The following PARD3B variants were observed in gnomAD, a reference collection of about 807,000 sequenced individuals.
The protein encoded by PARD3B is par-3 family cell polarity regulator beta.
A neutral mutation model predicts 130.2 loss-of-function variants in PARD3B; 103 were observed. The ratio of observed to expected loss-of-function variants is 0.79; its 90% CI spans 0.67 to 0.93. The LOEUF (loss-of-function observed/expected upper bound fraction) is 0.93. Among genes scored for constraint, PARD3B ranks in the 40% least tolerant of loss-of-function variants. The pLI is 0.00. For synonymous variants in PARD3B, 583 were observed against 553.2 expected (o/e 1.05, Z -0.76); for missense variants, 1,609 against 1,499.2 (o/e 1.07, Z -1.21).
At position 204,579,766 on chromosome 2, in the gene PARD3B, C is replaced by G. The variant is rs10184836; in HGVS notation, c.120+33647C>G. On this transcript the variant is annotated intron_variant, in intron 1 of 22. Coordinates refer to ENST00000406610, the MANE Select transcript of PARD3B (RefSeq NM_001302769.2). ...CCTCCCCTCTACCCAGGGTGGACCC[C>G]TGTGTGGGGGATGGGGAAGTAGTTT... Among the ~76,000 whole-genome samples, 1,318 of 152,274 alleles carry G rather than the reference C, an allele frequency of 8.7e-3. 18 individuals carry two copies. Among genetic ancestry groups the G allele is most frequent in the African/African-American group, 0.03 (1,236 of 41,544 alleles).
rs2036171703 is a variant in PARD3B, at chr2:205,187,604, G to A, written c.2024+1741G>A. On this transcript the variant is annotated intron_variant, in intron 14 of 22. Transcript: ENST00000406610. This position sits in a 1 kb window ranked among gnomAD's most constrained non-coding sequence, Gnocchi z 4.9. ...CTTCAAGGGAGAGAGGTGGTTCAGA[G>A]ATCACCTGGGATTTAGCAACTGTCT... Among the ~76,000 whole-genome samples the A allele has an allele frequency of 6.6e-6, 1 of 152,192 alleles. No individual in the cohort carries two copies. Among genetic ancestry groups the A allele is most frequent in the African/African-American group, 2.4e-5 (1 of 41,444 alleles).
chr2:204,645,459 T>A (rs2035239554), intron 1 of PARD3B, among the ~76,000 whole-genome samples: 1 of 152,154 alleles, frequency 6.6e-6, no homozygotes, highest in East Asian at 1.9e-4. Flanking sequence ...AAGAAAAAAA[T>A]TTTGTTTCAT....
intron 2 of PARD3B, among the ~76,000 whole-genome samples, chr2:204,869,873 T>C (rs2045567211): frequency 6.6e-6 from 1 of 152,204 alleles, no homozygotes; most frequent in Non-Finnish European, 1.5e-5. Context: ...GTTTTGTTTA[T>C]AATTAAATGT....
intron 2 of PARD3B, among the ~76,000 whole-genome samples, chr2:204,712,280 T>C (rs2038479517): frequency 6.6e-6 from 1 of 152,164 alleles, no homozygotes; most frequent in Non-Finnish European, 1.5e-5. Context: ...TCATCAGAGC[T>C]TACCATTTCC....
At chr2:205,545,720 A>G (rs2052352080) in intron 21 of PARD3B, among the ~76,000 whole-genome samples, 1 of 152,116 alleles carries the variant, frequency 6.6e-6, no homozygotes, top group Admixed American at 6.6e-5. Context: ...ACCTATAGAA[A>G]CTGGAAAACA....
chr2:205,283,493 G>T (rs1200807319), intron 16 of PARD3B, among the ~76,000 whole-genome samples: 2 of 151,938 alleles, frequency 1.3e-5, no homozygotes, highest in Non-Finnish European at 2.9e-5. Context: ...TCACTTTATT[G>T]CCCAGGCTCA....
At chr2:205,511,519 T>C (rs1176975012) in intron 21 of PARD3B, among the ~76,000 whole-genome samples, 2 of 152,158 alleles carry the variant, frequency 1.3e-5, no homozygotes, top group East Asian at 3.8e-4. Flanking sequence ...ACTTCTACAA[T>C]AATAACATTC....
chr2:205,284,494 G>T (rs1158810067), intron 16 of PARD3B, among the ~76,000 whole-genome samples: 2 of 152,114 alleles, frequency 1.3e-5, no homozygotes, highest in Non-Finnish European at 2.9e-5. Context: ...TCCTCTAAAT[G>T]GGCCCCTTTT....
At chr2:204,848,641 G>GTCTATCTATCTATCTATCTA (rs112373204) in intron 2 of PARD3B, among the ~76,000 whole-genome samples, 35 of 148,452 alleles carry the variant, frequency 2.4e-4, no homozygotes, top group African/African-American at 8.8e-4. Context: ...GTGAGACTCT[G>GTCTATCTATCTATCTATCTA]TCTATCTATC....
At chr2:205,201,302 T>A (rs1454069221) in intron 15 of PARD3B, among the ~76,000 whole-genome samples, 2 of 147,046 alleles carry the variant, frequency 1.4e-5, no homozygotes, top group Admixed American at 7.2e-5. Flanking sequence ...AGAAGATACA[T>A]CACATTTACA....
At chr2:205,382,479 C>T (rs139053974) in intron 18 of PARD3B, among the ~76,000 whole-genome samples, 6 of 152,144 alleles carry the variant, frequency 3.9e-5, no homozygotes, top group African/African-American at 1.2e-4. Flanking sequence ...TATGAAGTTA[C>T]GATTTTTCCC....
chr2:204,892,418 AAC>A (rs2046481065), intron 2 of PARD3B, among the ~76,000 whole-genome samples: 2 of 152,146 alleles, frequency 1.3e-5, no homozygotes, highest in East Asian at 3.8e-4. Flanking sequence ...AATAATATGA[AAC>A]AGTCTCAATA....
rs190848315 is a variant in PARD3B at position 205,452,961 on chromosome 2, C to T, written c.3044+12289C>T. ...GTCATTTAAGCATTTAAGCATTGAC[C>T]GGGATGCTTTTCAAACAAATGACCT... On this transcript the variant is annotated intron_variant, in intron 20 of 22. Coordinates refer to ENST00000406610, the MANE Select transcript of PARD3B (RefSeq NM_001302769.2). Among the ~76,000 whole-genome samples the T allele has an allele frequency of 1.9e-3, 286 of 152,178 alleles. 1 individual carries two copies. Among genetic ancestry groups the T allele is most frequent in the African/African-American group, 6.3e-3 (263 of 41,526 alleles).
At position 204,675,476 on chromosome 2, in the gene PARD3B, G is replaced by A. The variant is rs1354228612; in HGVS notation, c.121-10705G>A. On this transcript the variant is annotated intron_variant, in intron 1 of 22. Coordinates refer to ENST00000406610, the MANE Select transcript of PARD3B (RefSeq NM_001302769.2). This position sits in a 1 kb window ranked among gnomAD's most constrained non-coding sequence, Gnocchi z 4.4. ...GAGCCTTTAACTCACTCCTAGAGCT[G>A]TAGGAAAATGAAATTTCTATATTCT... 6.6e-6 allele frequency among the ~76,000 whole-genome samples: 1 copy of A among 151,976 alleles called. No homozygotes were observed. The highest frequency in any genetic ancestry group is 2.4e-5 in the African/African-American group (1 of 41,396).
intron 2 of PARD3B, among the ~76,000 whole-genome samples, chr2:204,854,226 G>A (rs1428099435): frequency 1.3e-5 from 2 of 152,170 alleles, no homozygotes; most frequent in African/African-American, 4.8e-5. Flanking sequence ...TTGGAATAAA[G>A]ATGTGAGGAG....
intron 18 of PARD3B, among the ~76,000 whole-genome samples, chr2:205,374,548 T>G (rs1354467407): frequency 6.6e-6 from 1 of 152,200 alleles, no homozygotes; most frequent in Non-Finnish European, 1.5e-5. Context: ...ACTTTAATTT[T>G]TATATATTTC....
At chr2:204,564,047 T>G (rs529945776) in intron 1 of PARD3B, among the ~76,000 whole-genome samples, 1 of 152,324 alleles carries the variant, frequency 6.6e-6, no homozygotes, top group East Asian at 1.9e-4. Flanking sequence ...GTGCTGGGAT[T>G]GCAGGCGTGA....
intron 2 of PARD3B, among the ~76,000 whole-genome samples, chr2:204,850,477 T>C (rs1397899175): frequency 1.3e-5 from 2 of 151,728 alleles, no homozygotes; most frequent in East Asian, 3.9e-4. Flanking sequence ...TCAAAAAAAA[T>C]ATGTATATAT....
chr2:205,228,400 T>C (rs1027251627), intron 15 of PARD3B, among the ~76,000 whole-genome samples: 8 of 152,228 alleles, frequency 5.3e-5, no homozygotes, highest in African/African-American at 1.9e-4. Context: ...CGTTCTTTTT[T>C]TCCTTCAGCA....
Sources: allele counts gnomAD v4.1 joint callset (sites outside exome capture counted in the v4.1 genomes callset), GRCh38; gene constraint gnomAD v4.1.1; non-coding constraint Gnocchi (gnomAD v3.1); transcripts MANE v1.5; gene names NCBI Gene and HGNC (gene_info 2026-07-23, HGNC 2026-07-21).